The following FBRS variants were observed in gnomAD, a reference collection of about 807,000 sequenced individuals.
The protein encoded by FBRS is fibrosin.
A neutral mutation model predicts 86.1 loss-of-function variants in FBRS; 15 were observed. The ratio of observed to expected loss-of-function variants is 0.17; its 90% CI spans 0.12 to 0.27. FBRS has a LOEUF of 0.27. FBRS is among the 10% of genes least tolerant of loss of function. The pLI is 1.00. For synonymous variants in FBRS, 666 were observed against 575.8 expected, an observed-to-expected ratio of 1.16 and a Z score of -2.24; for missense variants, 1,367 against 1,301.6, an observed-to-expected ratio of 1.05 and a Z score of -0.77.
chr16:30,669,065 C>G lies in FBRS; in HGVS notation c.2367-4C>G. On this transcript the variant is annotated splice_polypyrimidine_tract_variant and splice_region_variant and intron_variant, in intron 17 of 17. Coordinates refer to ENST00000356166, the MANE Select transcript of FBRS (RefSeq NM_001105079.3). The surrounding 1 kb of genome is among the most constrained non-coding windows in gnomAD (Gnocchi z 5.9). Reference sequence around the variant, plus strand: ...TTCATTCTCTCCCCACGCCTGCCCTCCAGGGACCTCCCCTTCTCACGGCCC... The same window carrying G: ...TTCATTCTCTCCCCACGCCTGCCCTGCAGGGACCTCCCCTTCTCACGGCCC... 1 of 1,600,030 alleles carries G rather than the reference C, an allele frequency of 6.2e-7. No homozygotes were observed. The highest frequency in any genetic ancestry group is 8.5e-7 in the Non-Finnish European group (1 of 1,174,416).
intron 6 of FBRS, among the ~76,000 whole-genome samples, chr16:30,663,491 G>A (rs940176366): frequency 5.3e-5 from 8 of 151,436 alleles, no homozygotes; most frequent in Admixed American, 3.3e-4. Flanking sequence ...GATTTCACAC[G>A]CGATTGCTTA....
Position 30,669,834 on chromosome 16 carries a change from T to C in FBRS, c.*189T>C. 1.3e-6 allele frequency: 1 copy of C among 744,840 alleles called. No individual in the cohort carries two copies. The highest frequency in any genetic ancestry group is 2.1e-6 in the Non-Finnish European group (1 of 470,440). 46.1% of individuals were successfully genotyped at this position (744,840 alleles called of 1,614,324 possible). ...AGCATCACATGGAGTGTAGGGTCAC[T>C]GGGAGAGCAGAGGTCACAGCCTCTA... On this transcript the variant is annotated 3_prime_UTR_variant, in exon 18 of 18. Coordinates refer to ENST00000356166, the MANE Select transcript of FBRS (RefSeq NM_001105079.3). This position sits in a 1 kb window ranked among gnomAD's most constrained non-coding sequence, Gnocchi z 5.9.
At position 30,658,491 on chromosome 16, in the gene FBRS, G is replaced by A. The variant is rs2052412094; in HGVS notation, c.-1028G>A. 2.0e-5 allele frequency: 3 copies of A among 152,728 alleles called. No homozygotes were observed. The highest frequency in any genetic ancestry group is 2.0e-4 in the Admixed American group (3 of 15,288). The allele number at this position is 152,728 out of a possible 1,614,324, so 9.5% of individuals were successfully genotyped here. A position where few individuals can be genotyped will look rare whatever the true frequency, so the allele number is the denominator to read the frequency against. ...GGAGGAGGGGTAGGGAAGTCCTGGC[G>A]GAGAAGCGCCCTAAGACTCCAAAGG... On this transcript the variant is annotated 5_prime_UTR_variant, in exon 1 of 18. Coordinates refer to ENST00000356166, the MANE Select transcript of FBRS (RefSeq NM_001105079.3).
At position 30,666,915 on chromosome 16, in the gene FBRS, G is replaced by T; in HGVS notation, c.1804-4G>T. The T allele has an allele frequency of 6.2e-7, 1 of 1,611,066 alleles. No homozygotes were observed. On this transcript the variant is annotated splice_region_variant and splice_polypyrimidine_tract_variant and intron_variant, in intron 12 of 17. Transcript: ENST00000356166. ...TCCCTTTGGTCATCCTTCTGGGGCG[G>T]CAGAAACCAGGGAAGTGGTGTGCCA...
At chr16:30,667,700 G>A in intron 15 of FBRS, 78 bp downstream of exon 15, 2 of 1,314,286 alleles carry the variant, frequency 1.5e-6, no homozygotes, top group Non-Finnish European at 1.0e-6. Context: ...CCAGCAGGCA[G>A]CTGGAATGCA....
intron 13 of FBRS, 36 bp from the exon 14 acceptor site, chr16:30,667,284 C>T (rs2052534169): frequency 6.8e-7 from 1 of 1,459,874 alleles, no homozygotes; most frequent in East Asian, 2.5e-5. Context: ...CAGACTGGCT[C>T]CTCATGTACT....
In FBRS at chr16:30,669,493, C is replaced by G. The variant is rs1460996151; in HGVS notation, c.2791C>G (p.Pro931Ala). ...AHPLLYSRLAPPPPPAAAPGT... is the reference protein window; with the variant it reads ...AHPLLYSRLAAPPPPAAAPGT... ...CCCCTTGCTCTACAGCCGCTTGGCT[C>G]CTCCACCACCACCTGCTGCGGCCCC... The change falls in exon 18 of 18, where the codon CCT becomes GCT. Residue 931 changes from proline (P) to alanine (A), a missense_variant. By Grantham distance (27) the Pro-to-Ala change is conservative. Around this residue, in one of 3 missense-constraint regions of FBRS, gnomAD observed 659 missense variants for 678.8 expected, o/e 0.97. Coordinates refer to ENST00000356166, the MANE Select transcript of FBRS (RefSeq NM_001105079.3). The surrounding 1 kb of genome is among the most constrained non-coding windows in gnomAD (Gnocchi z 5.9). The G allele has an allele frequency of 6.2e-7, 1 of 1,613,124 alleles. No individual in the cohort carries two copies. Among genetic ancestry groups the G allele is most frequent in the Non-Finnish European group, 8.5e-7 (1 of 1,179,812 alleles).
At chr16:30,660,737 G>C (rs2052449766) in intron 2 of FBRS, among the ~76,000 whole-genome samples, 1 of 152,198 alleles carries the variant, frequency 6.6e-6, no homozygotes, top group Non-Finnish European at 1.5e-5. Flanking sequence ...CCTCGAGGTG[G>C]TGGCAGTCCA....
Position 30,665,063 on chromosome 16 carries a change from G to A in FBRS, c.1592G>A (p.Gly531Asp). The stretch of plus-strand genomic sequence containing the variant: ...GAGAAATATCCAGGAAAGATGGAAG[G>A]CCTTTTCCGACATAATGTGAGTGTG... ...MFEKYPGKME[G>D]LFRHNPYTAF... The change falls in exon 9 of 18, where the codon GGC (glycine) becomes GAC (aspartate). Residue 531 changes from glycine to aspartate, a missense_variant. Gly to Asp is a moderately conservative substitution (Grantham distance 94). Coordinates refer to ENST00000356166, the MANE Select transcript of FBRS (RefSeq NM_001105079.3). The surrounding 1 kb of genome is among the most constrained non-coding windows in gnomAD (Gnocchi z 4.1). The A allele has an allele frequency of 1.9e-6, 3 of 1,613,520 alleles. No homozygotes were observed. Among genetic ancestry groups the A allele is most frequent in the South Asian group, 1.1e-5 (1 of 91,030 alleles).
In FBRS at chr16:30,669,596, G is replaced by C. The variant is rs767972326; in HGVS notation, c.2894G>C (p.Arg965Pro). The change falls in exon 18 of 18, where the codon CGG becomes CCG. Residue 965 changes from arginine (R) to proline (P), a missense_variant. Physicochemically the swap from Arg to Pro is moderately radical, Grantham distance 103. Coordinates refer to ENST00000356166, the MANE Select transcript of FBRS (RefSeq NM_001105079.3). The surrounding 1 kb of genome is among the most constrained non-coding windows in gnomAD (Gnocchi z 5.9). ...GAPPPLVPAP[R>P]PSSPPRGPGP... Reference sequence around the variant, plus strand: ...CCACCTCCGCTTGTGCCCGCCCCCCGGCCCAGTTCCCCACCTAGGGGCCCT... The same window carrying C: ...CCACCTCCGCTTGTGCCCGCCCCCCCGCCCAGTTCCCCACCTAGGGGCCCT... 1 of 1,610,370 alleles carries C rather than the reference G, an allele frequency of 6.2e-7. No homozygotes were observed. The highest frequency in any genetic ancestry group is 1.7e-4 in the Middle Eastern group (1 of 6,052).
chr16:30,664,555 A>AC, intron 7 of FBRS, 39 bp downstream of exon 7: 1 of 1,419,814 alleles, frequency 7.0e-7, no homozygotes. Flanking sequence ...GGGGGCCATC[A>AC]CCCCGGGCTC....
chr16:30,662,674 A>G lies in FBRS; in HGVS notation c.870A>G (p.Leu290=). Residue 290 remains leucine, a synonymous_variant, in exon 6 of 18, where the codon CTA becomes CTG. Transcript: ENST00000356166. ...AGCCCCCGGGGCCCGACCCGCTGCT[A>G]GTGCCTTTCCCCCCAAAGGAACCAC... ...QEQPPGPDPL[L]VPFPPKEPPP... is the part of the protein sequence containing the mutation. 6.5e-7 allele frequency: 1 copy of G among 1,549,332 alleles called. No homozygotes were observed. The highest frequency in any genetic ancestry group is 1.2e-5 in the South Asian group (1 of 83,878).
In FBRS at chr16:30,670,120, C is replaced by T. The variant is rs1177135431; in HGVS notation, c.*475C>T. The T allele has an allele frequency of 2.2e-6, 1 of 462,876 alleles. No individual in the cohort carries two copies. 28.7% of individuals were successfully genotyped at this position (462,876 alleles called of 1,614,324 possible). A position where few individuals can be genotyped will look rare whatever the true frequency, so the allele number is the denominator to read the frequency against. ...TCACCCCTTTCACATAGCCCCAAGA[C>T]CTTTTGTACATTTTTACAGGGGTGC... On this transcript the variant is annotated 3_prime_UTR_variant, in exon 18 of 18. Transcript: ENST00000356166.
chr16:30,664,711 A>G lies in FBRS; in HGVS notation c.1358-4A>G. On this transcript the variant is annotated splice_polypyrimidine_tract_variant and splice_region_variant and intron_variant, in intron 7 of 17. Coordinates refer to ENST00000356166, the MANE Select transcript of FBRS (RefSeq NM_001105079.3). ...TTAAAGCCTTCTCCCGTCCCCTCCC[A>G]CAGAGCAGGACCTGATCGGCCAGGA... The G allele has an allele frequency of 1.3e-6, 2 of 1,515,988 alleles. No individual in the cohort carries two copies. Among genetic ancestry groups the G allele is most frequent in the Non-Finnish European group, 1.8e-6 (2 of 1,127,002 alleles). 93.9% of individuals were successfully genotyped at this position (1,515,988 alleles called of 1,614,324 possible). A position where few individuals can be genotyped will look rare whatever the true frequency, so the allele number is the denominator to read the frequency against.
chr16:30,661,756 G>A (rs890425342), intron 4 of FBRS, among the ~76,000 whole-genome samples: 2 of 151,858 alleles, frequency 1.3e-5, no homozygotes, highest in African/African-American at 4.8e-5. Context: ...AGCCCATAAA[G>A]GTGTATTTGA....
In FBRS at chr16:30,665,878, G is replaced by A. The variant is rs1040297812; in HGVS notation, c.1773+172G>A. ...AATAGCTGGCTTTCCCAGGCATGAG[G>A]AATGAGAGTTTCATGAGCTTGTCCC... On this transcript the variant is annotated intron_variant, in intron 11 of 17. Transcript: ENST00000356166. This position sits in a 1 kb window ranked among gnomAD's most constrained non-coding sequence, Gnocchi z 4.1. The A allele has an allele frequency of 1.0e-5, 6 of 597,614 alleles. No individual in the cohort carries two copies. Among genetic ancestry groups the A allele is most frequent in the African/African-American group, 1.9e-5 (1 of 53,294 alleles). 37.0% of individuals were successfully genotyped at this position (597,614 alleles called of 1,614,324 possible). A position where few individuals can be genotyped will look rare whatever the true frequency, so the allele number is the denominator to read the frequency against.
At chr16:30,660,537 C>G (rs1363002295) in intron 2 of FBRS, 95 bp downstream of exon 2, 1 of 1,255,630 alleles carries the variant, frequency 8.0e-7, no homozygotes, top group African/African-American at 1.5e-5. Context: ...ACAGAGACCC[C>G]AGTTTCTAAG....
chr16:30,665,152 CT>C lies in FBRS; in HGVS notation c.1608+74del. The C allele has an allele frequency of 6.4e-7, 1 of 1,570,128 alleles. No individual in the cohort carries two copies. Among genetic ancestry groups the C allele is most frequent in the Non-Finnish European group, 8.6e-7 (1 of 1,157,542 alleles). ...GATGCATCCATGCTTGTGACCCTGA[CT>C]GCTGGGGTCCAGTCTTCAGCACAAA... On this transcript the variant is annotated intron_variant, in intron 9 of 17. Coordinates refer to ENST00000356166, the MANE Select transcript of FBRS (RefSeq NM_001105079.3). The surrounding 1 kb of genome is among the most constrained non-coding windows in gnomAD (Gnocchi z 4.1).
chr16:30,666,039 T>A, intron 11 of FBRS: 1 of 403,362 alleles, frequency 2.5e-6, no homozygotes, highest in Non-Finnish European at 4.5e-6. Flanking sequence ...TGCCCCTTGG[T>A]GAAGTGAGGA....
Sources: gnomAD v4.1 joint callset for allele counts (sites outside exome capture counted in the v4.1 genomes callset) on GRCh38, gnomAD v4.1.1 for gene constraint, gnomAD v4.1.1 regional missense constraint, Gnocchi (gnomAD v3.1) non-coding constraint, MANE v1.5 for transcripts, NCBI Gene and HGNC (gene_info 2026-07-23, HGNC 2026-07-21) for gene names.